The following CNOT9 variants were observed in gnomAD, a reference collection of about 807,000 sequenced individuals.
The protein encoded by CNOT9 is CCR4-NOT transcription complex subunit 9.
Under a neutral mutation model 37.4 loss-of-function variants are expected in CNOT9, and 8 were observed. That is an observed-to-expected ratio of 0.21 (90% CI 0.13 to 0.39). CNOT9 has a LOEUF of 0.39. CNOT9 is among the 10% of genes least tolerant of loss of function. The pLI is 1.00. For missense variants in CNOT9, 154 were observed against 365.3 expected (o/e 0.42, Z 4.71); for synonymous variants, 120 against 137.6 (o/e 0.87, Z 0.90).
intron 1 of CNOT9, among the ~76,000 whole-genome samples, chr2:218,572,985 C>G (rs1398939389): frequency 6.6e-6 from 1 of 152,118 alleles, no homozygotes; most frequent in Non-Finnish European, 1.5e-5. Flanking sequence ...CCTAACTTAT[C>G]TTTCCTTATT....
intron 1 of CNOT9, among the ~76,000 whole-genome samples, chr2:218,571,281 G>A (rs1445616974): frequency 6.6e-6 from 1 of 152,142 alleles, no homozygotes; most frequent in East Asian, 1.9e-4. Context: ...TGTAAGCCGG[G>A]TGGTGTGTGC....
At chr2:218,593,753 C>T (rs1322093693) in intron 7 of CNOT9, 1 of 1,200,266 alleles carries the variant, frequency 8.3e-7, no homozygotes, top group Non-Finnish European at 1.1e-6. Context: ...TGTTAATGTA[C>T]TGATTTTTGA....
chr2:218,569,006 A>G lies in CNOT9; in HGVS notation c.24+28A>G. ...GAGTGGCTGGGCCCCCAGGCTTGGA[A>G]CCAGAATCCTTTCTCAGACCCACGT... On this transcript the variant is annotated intron_variant, in intron 1 of 7. Transcript: ENST00000273064. 1.9e-6 allele frequency: 3 copies of G among 1,610,018 alleles called. No individual in the cohort carries two copies. The South Asian group carries it at 3.3e-5, about 18-fold the overall frequency.
At chr2:218,570,686 A>G (rs1693958786) in intron 1 of CNOT9, among the ~76,000 whole-genome samples, 1 of 152,204 alleles carries the variant, frequency 6.6e-6, no homozygotes, top group Non-Finnish European at 1.5e-5. Context: ...CCCGAATTTT[A>G]TCTTCGATAC....
At chr2:218,584,298 AG>A (rs760262674) in intron 3 of CNOT9, among the ~76,000 whole-genome samples, 14 of 152,122 alleles carry the variant, frequency 9.2e-5, no homozygotes, top group Non-Finnish European at 1.5e-4. Flanking sequence ...AGGGCAGGAG[AG>A]GACTGTCCTG....
chr2:218,592,285 C>T lies in CNOT9; in HGVS notation c.541-19C>T, dbSNP rs766957202. On this transcript the variant is annotated intron_variant, in intron 5 of 7. Coordinates refer to ENST00000273064, the MANE Select transcript of CNOT9 (RefSeq NM_005444.3). The surrounding 1 kb of genome is among the most constrained non-coding windows in gnomAD (Gnocchi z 4.1). Reference sequence around the variant, plus strand: ...AATCTGAGCAACTTTATAAACTCTTCGATTTTGTTTTGCTTCAGGTTGCCA... The same window carrying T: ...AATCTGAGCAACTTTATAAACTCTTTGATTTTGTTTTGCTTCAGGTTGCCA... 44 of 1,575,658 alleles carry T rather than the reference C, an allele frequency of 2.8e-5. No individual in the cohort carries two copies. The highest frequency in any genetic ancestry group is 6.7e-5 in the East Asian group (3 of 44,698).
At chr2:218,585,967 A>G (rs1324488951) in intron 4 of CNOT9, among the ~76,000 whole-genome samples, 1 of 152,196 alleles carries the variant, frequency 6.6e-6, no homozygotes, top group Non-Finnish European at 1.5e-5. Flanking sequence ...TGCCATTTAT[A>G]ACAGCACCGA....
chr2:218,580,811 A>G, intron 2 of CNOT9, 71 bp downstream of exon 2: 3 of 1,393,476 alleles, frequency 2.2e-6, no homozygotes, highest in Non-Finnish European at 3.0e-6. Flanking sequence ...CCTTTGCCCA[A>G]ATGATTTGAA....
intron 1 of CNOT9, among the ~76,000 whole-genome samples, chr2:218,574,581 C>T (rs936376518): frequency 6.6e-6 from 1 of 152,196 alleles, no homozygotes; most frequent in African/African-American, 2.4e-5. Context: ...GAGTTTCAGT[C>T]TCATTCTGCT....
chr2:218,587,922 A>C (rs2106094828), intron 5 of CNOT9, among the ~76,000 whole-genome samples: 1 of 152,362 alleles, frequency 6.6e-6, no homozygotes, highest in Middle Eastern at 3.4e-3. Flanking sequence ...CCACAGGTAA[A>C]TTCTAAGTAT....
At chr2:218,573,182 A>C (rs1016324936) in intron 1 of CNOT9, among the ~76,000 whole-genome samples, 4 of 152,090 alleles carry the variant, frequency 2.6e-5, no homozygotes, top group African/African-American at 9.6e-5. Flanking sequence ...GCCTGGCGTC[A>C]TGGCATGCGC....
rs1272296818 is a variant in CNOT9, at chr2:218,592,120, A to C, written c.541-184A>C. ...TAGAAAAAAAAACTGGTACAAAGTA[A>C]TGTTCAACATGGTAATATTTATTAT... On this transcript the variant is annotated intron_variant, in intron 5 of 7. Coordinates refer to ENST00000273064, the MANE Select transcript of CNOT9 (RefSeq NM_005444.3). The surrounding 1 kb of genome is among the most constrained non-coding windows in gnomAD (Gnocchi z 4.1). Among the ~76,000 whole-genome samples, 1 of 152,258 alleles carries C rather than the reference A, an allele frequency of 6.6e-6. No homozygotes were observed. Among genetic ancestry groups the C allele is most frequent in the Admixed American group, 6.5e-5 (1 of 15,284 alleles).
intron 1 of CNOT9, among the ~76,000 whole-genome samples, chr2:218,575,043 A>G (rs915240546): frequency 2.0e-5 from 3 of 152,200 alleles, no homozygotes; most frequent in Non-Finnish European, 4.4e-5. Context: ...GAGACTGACA[A>G]TTATTTAATA....
intron 1 of CNOT9, among the ~76,000 whole-genome samples, chr2:218,576,126 C>T (rs551987628): frequency 4.9e-4 from 74 of 152,302 alleles, no homozygotes; most frequent in African/African-American, 1.7e-3. Flanking sequence ...ACCCCTTCTT[C>T]TACTGCCCGC....
intron 1 of CNOT9, among the ~76,000 whole-genome samples, chr2:218,573,343 C>T (rs1023362684): frequency 6.8e-6 from 1 of 147,224 alleles, no homozygotes; most frequent in African/African-American, 2.5e-5. Context: ...AAAAAAGATA[C>T]ATTCTGGCTC....
At position 218,595,132 on chromosome 2, in the gene CNOT9, A is replaced by C. The variant is rs1168952826; in HGVS notation, c.*856A>C. 1 of 152,130 alleles carries C rather than the reference A, an allele frequency of 6.6e-6. No individual in the cohort carries two copies. Among genetic ancestry groups the C allele is most frequent in the Non-Finnish European group, 1.5e-5 (1 of 68,026 alleles). 9.4% of individuals were successfully genotyped at this position (152,130 alleles called of 1,614,324 possible). ...CTATTAAACTTAAAACAGATGTCTT[A>C]ATTAATCAGGCTGTCTTGGAAGGGT... On this transcript the variant is annotated 3_prime_UTR_variant, in exon 8 of 8. Transcript: ENST00000273064.
intron 1 of CNOT9, among the ~76,000 whole-genome samples, chr2:218,575,856 T>G (rs907705626): frequency 6.6e-6 from 1 of 152,212 alleles, no homozygotes; most frequent in African/African-American, 2.4e-5. Flanking sequence ...CAATGTGTGC[T>G]ACTAGATTGA....
At chr2:218,577,762 G>A (rs1301093003) in intron 1 of CNOT9, among the ~76,000 whole-genome samples, 1 of 152,210 alleles carries the variant, frequency 6.6e-6, no homozygotes, top group Non-Finnish European at 1.5e-5. Flanking sequence ...CAGTAGGGAT[G>A]ATGGAGTTTA....
Position 218,595,258 on chromosome 2 carries a change from G to A in CNOT9, c.*982G>A, listed in dbSNP as rs1276168870. On this transcript the variant is annotated 3_prime_UTR_variant, in exon 8 of 8. Coordinates refer to ENST00000273064, the MANE Select transcript of CNOT9 (RefSeq NM_005444.3). ...CTAAAAGGGAGGTGCTTGGGATTAA[G>A]GTGACAGTCCACTTGATCCTTTTCT... is the stretch of plus-strand genomic sequence containing the variant. 5 of 152,074 alleles carry A rather than the reference G, an allele frequency of 3.3e-5. No individual in the cohort carries two copies. The highest frequency in any genetic ancestry group is 7.3e-5 in the Non-Finnish European group (5 of 68,032). 9.4% of individuals were successfully genotyped at this position (152,074 alleles called of 1,614,324 possible).
Sources: allele counts gnomAD v4.1 joint callset (sites outside exome capture counted in the v4.1 genomes callset), GRCh38; gene constraint gnomAD v4.1.1; non-coding constraint Gnocchi (gnomAD v3.1); transcripts MANE v1.5; gene names NCBI Gene and HGNC (gene_info 2026-07-23, HGNC 2026-07-21).